Variants in GALNT6 observed in about 807,000 individuals in gnomAD.
GALNT6 encodes the protein polypeptide N-acetylgalactosaminyltransferase 6.
In GALNT6, 51 loss-of-function variants were observed where a neutral mutation model predicts 65.9. The ratio of observed to expected loss-of-function variants is 0.77; its 90% CI spans 0.62 to 0.98. GALNT6 has a LOEUF of 0.98. Ranked by LOEUF, GALNT6 falls within the 50% of genes least tolerant of loss-of-function variation. The probability of loss-of-function intolerance (pLI) is 0.00; values close to 1 mark genes in which losing one functional copy is unlikely to be tolerated. For missense variants in GALNT6, 708 were observed against 803.3 expected, an observed-to-expected ratio of 0.88 and a Z score of 1.43; for synonymous variants, 323 against 315.1, an observed-to-expected ratio of 1.02 and a Z score of -0.26.
rs1946658493 is a variant in GALNT6, at chr12:51,353,301, A to T, written c.*1078T>A. Reference sequence around the variant, plus strand: ...AGGAGATATCTGTAAACAGTTCTACAGACTTCAGGTAATAATAGCAAGGGA... The same window carrying T: ...AGGAGATATCTGTAAACAGTTCTACTGACTTCAGGTAATAATAGCAAGGGA... On this transcript the variant is annotated 3_prime_UTR_variant, in exon 12 of 12. Transcript: ENST00000356317. 1 of 152,194 alleles carries T rather than the reference A, an allele frequency of 6.6e-6. No individual in the cohort carries two copies. The highest frequency in any genetic ancestry group is 6.5e-5 in the Admixed American group (1 of 15,284). 9.4% of individuals were successfully genotyped at this position (152,194 alleles called of 1,614,324 possible).
intron 3 of GALNT6, 63 bp from the exon 4 acceptor site, chr12:51,377,430 GC>G: frequency 6.9e-7 from 1 of 1,441,318 alleles, no homozygotes; most frequent in Non-Finnish European, 9.6e-7. Flanking sequence ...TGTGGGGAGG[GC>G]CCCATCCAGA....
intron 2 of GALNT6, 112 bp from the exon 3 acceptor site, chr12:51,379,996 T>C: frequency 3.5e-6 from 2 of 570,394 alleles, no homozygotes; most frequent in South Asian, 4.7e-5. Context: ...ATCACCTTAT[T>C]GGCCACAACT....
Position 51,379,805 on chromosome 12 carries a change from A to G in GALNT6, c.-24T>C. On this transcript the variant is annotated 5_prime_UTR_variant, in exon 3 of 12. Coordinates refer to ENST00000356317, the MANE Select transcript of GALNT6 (RefSeq NM_007210.4). ...ATCCTCCAGAACCAAGGGGCACCCC[A>G]GCTGCGTCAGCTCTGAGTCCTGAGC... 6.3e-7 allele frequency: 1 copy of G among 1,581,062 alleles called. No individual in the cohort carries two copies. The highest frequency in any genetic ancestry group is 8.6e-7 in the Non-Finnish European group (1 of 1,168,022).
Position 51,363,053 on chromosome 12 carries a change from T to A in GALNT6, c.1049+1068A>T, listed in dbSNP as rs540409522. ...GCACGTGGAGAGGAAGAAGCACCAA[T>A]CCTTTCCTCCTTTCAAACCTTCCCT... On this transcript the variant is annotated intron_variant, in intron 6 of 11. Transcript: ENST00000356317. Among the ~76,000 whole-genome samples, 19 of 152,146 alleles carry A rather than the reference T, an allele frequency of 1.2e-4. No individual in the cohort carries two copies. In the South Asian group the frequency reaches 3.9e-3, roughly 32 times the overall value.
intron 2 of GALNT6, among the ~76,000 whole-genome samples, chr12:51,386,470 T>G (rs1316484265): frequency 6.6e-6 from 1 of 152,238 alleles, no homozygotes; most frequent in East Asian, 1.9e-4. Flanking sequence ...CTTTTGTGAA[T>G]GTCAGAGTCA....
At chr12:51,368,985 C>T (rs1259162677) in intron 4 of GALNT6, among the ~76,000 whole-genome samples, 4 of 152,138 alleles carry the variant, frequency 2.6e-5, no homozygotes, top group African/African-American at 9.7e-5. Context: ...TGGGTCCTGC[C>T]CTTTGAGACT....
At chr12:51,373,510 C>T (rs1168802484) in intron 4 of GALNT6, among the ~76,000 whole-genome samples, 1 of 152,170 alleles carries the variant, frequency 6.6e-6, no homozygotes, top group Non-Finnish European at 1.5e-5. Flanking sequence ...TGAGGTCTCC[C>T]CAGCCCTGCA....
upstream of GALNT6, chr12:51,391,498 A>T (rs1359801293): frequency 6.4e-6 from 1 of 155,392 alleles, no homozygotes; most frequent in African/African-American, 2.4e-5. Flanking sequence ...GGTGAGAGCG[A>T]GGACTCGGCA....
At chr12:51,390,225 C>T (rs1012451967) in intron 2 of GALNT6, among the ~76,000 whole-genome samples, 6 of 133,794 alleles carry the variant, frequency 4.5e-5, no homozygotes, top group Non-Finnish European at 6.1e-5. Context: ...TGCAATGGTG[C>T]GATCTCAGCT....
At position 51,354,445 on chromosome 12, in the gene GALNT6, C is replaced by A; in HGVS notation, c.1803G>T (p.Gln601His). The change falls in exon 12 of 12, where the codon CAG becomes CAT. Residue 601 changes from glutamine to histidine, a missense_variant. Coordinates refer to ENST00000356317, the MANE Select transcript of GALNT6 (RefSeq NM_007210.4). ...AGGGGGCCATGGCTGGCTTTTTGTC[C>A]TGGGATGTCAGGCAGGTACCAGATC... ...NSGSGTCLTS[Q>H]DKKPAMAPCN... The A allele has an allele frequency of 6.3e-7, 1 of 1,592,740 alleles. No individual in the cohort carries two copies. The highest frequency in any genetic ancestry group is 8.5e-7 in the Non-Finnish European group (1 of 1,172,170).
intron 6 of GALNT6, among the ~76,000 whole-genome samples, chr12:51,361,078 G>T (rs1021221607): frequency 6.6e-6 from 1 of 152,160 alleles, no homozygotes; most frequent in African/African-American, 2.4e-5. Flanking sequence ...TCATTCATTC[G>T]TTCAACCTAG....
At chr12:51,366,719 G>A (rs945109435) in intron 4 of GALNT6, among the ~76,000 whole-genome samples, 1 of 152,220 alleles carries the variant, frequency 6.6e-6, no homozygotes, top group African/African-American at 2.4e-5. Context: ...GATTTGAGGA[G>A]CGGGGAAAGC....
intron 2 of GALNT6, among the ~76,000 whole-genome samples, chr12:51,388,291 CCTCT>C (rs1301663981): frequency 6.6e-6 from 1 of 152,118 alleles, no homozygotes; most frequent in Non-Finnish European, 1.5e-5. Context: ...GCCTCGGGCC[CCTCT>C]CTCTCTTTCA....
chr12:51,358,077 T>TTC lies in GALNT6; in HGVS notation c.1500+51_1500+52dup, dbSNP rs1200868669. 4 of 1,564,498 alleles carry TTC rather than the reference T, an allele frequency of 2.6e-6. No individual in the cohort carries two copies. In the African/African-American group the frequency reaches 5.4e-5, roughly 21 times the overall value. On this transcript the variant is annotated intron_variant, in intron 9 of 11. Transcript: ENST00000356317. ...ATCTGTGGGGTCAGTGGTCTTGAAC[T>TTC]TCTCCAAGGGGTGCTGTGGTGATGG...
At chr12:51,378,147 T>C (rs559462741) in intron 3 of GALNT6, among the ~76,000 whole-genome samples, 1 of 152,144 alleles carries the variant, frequency 6.6e-6, no homozygotes, top group East Asian at 1.9e-4. Flanking sequence ...TCACACCCAG[T>C]GCTCTTCTCT....
rs1261966412 is a variant in GALNT6, at chr12:51,387,867, G to T, written c.-104+2983C>A. Among the ~76,000 whole-genome samples the T allele has an allele frequency of 6.6e-6, 1 of 152,130 alleles. No homozygotes were observed. Among genetic ancestry groups the T allele is most frequent in the African/African-American group, 2.4e-5 (1 of 41,416 alleles). On this transcript the variant is annotated intron_variant, in intron 2 of 11. Transcript: ENST00000356317. This position sits in a 1 kb window ranked among gnomAD's most constrained non-coding sequence, Gnocchi z 4.2. Reference sequence around the variant, plus strand: ...CCTCTTGGGCCAGTCTTCAAATTGGGAAGGGGGCTTAATGGGAGAGACTAG... The same window carrying T: ...CCTCTTGGGCCAGTCTTCAAATTGGTAAGGGGGCTTAATGGGAGAGACTAG...
rs184567891 is a variant in GALNT6, at chr12:51,364,804, C to T, written c.815-449G>A. On this transcript the variant is annotated intron_variant, in intron 5 of 11. Coordinates refer to ENST00000356317, the MANE Select transcript of GALNT6 (RefSeq NM_007210.4). ...CTAGCTCCTTGAGATTTTCAGTGAG[C>T]TTCTGCACGTATTATTACTTCATTC... Among the ~76,000 whole-genome samples, 3 of 152,356 alleles carry T rather than the reference C, an allele frequency of 2.0e-5. No individual in the cohort carries two copies. The East Asian group carries it at 5.8e-4, about 29-fold the overall frequency.
In GALNT6 at chr12:51,370,405, C is replaced by T. The variant is rs539808474; in HGVS notation, c.665-4826G>A. ...ACTAAAAATTCAGAATTAGCCAGCA[C>T]GTGCCTGTAATCCCAACTACTCGGG... On this transcript the variant is annotated intron_variant, in intron 4 of 11. Transcript: ENST00000356317. 9.2e-5 allele frequency among the ~76,000 whole-genome samples: 14 copies of T among 152,206 alleles called. No homozygotes were observed. In the South Asian group the frequency reaches 2.9e-3, roughly 32 times the overall value.
At chr12:51,385,591 GAC>G (rs1162125200) in intron 2 of GALNT6, among the ~76,000 whole-genome samples, 2 of 152,092 alleles carry the variant, frequency 1.3e-5, no homozygotes, top group African/African-American at 4.8e-5. Flanking sequence ...GAAAGCCAGT[GAC>G]ACAGTCCAAA....
Sources: allele counts gnomAD v4.1 joint callset (sites outside exome capture counted in the v4.1 genomes callset), GRCh38; gene constraint gnomAD v4.1.1; non-coding constraint Gnocchi (gnomAD v3.1); transcripts MANE v1.5; gene names NCBI Gene and HGNC (gene_info 2026-07-23, HGNC 2026-07-21).